DCAF10: variants seen among roughly 807,000 people sequenced by gnomAD.
DCAF10 encodes DDB1- and CUL4-associated factor 10.
DCAF10 carries 19 observed loss-of-function variants against 51.9 expected under a neutral mutation model. The ratio of observed to expected loss-of-function variants is 0.37; its 90% CI spans 0.26 to 0.54. The LOEUF is 0.54. Ranked by LOEUF, DCAF10 falls within the 20% of genes least tolerant of loss-of-function variation. The pLI is 0.87. For synonymous variants in DCAF10, 291 were observed against 297.1 expected (o/e 0.98, Z 0.21); for missense variants, 510 against 730.6 (o/e 0.70, Z 3.48).
intron 1 of DCAF10, among the ~76,000 whole-genome samples, chr9:37,815,150 T>C (rs1264437081): frequency 6.6e-6 from 1 of 152,150 alleles, no homozygotes; most frequent in Non-Finnish European, 1.5e-5. Context: ...CTTAGCAAAA[T>C]TGAAACAGAA....
At chr9:37,853,912 A>G (rs1830768514) in intron 3 of DCAF10, among the ~76,000 whole-genome samples, 1 of 152,070 alleles carries the variant, frequency 6.6e-6, no homozygotes, top group African/African-American at 2.4e-5. Context: ...ACGTAAACTG[A>G]CATTAATTTT....
intron 3 of DCAF10, among the ~76,000 whole-genome samples, chr9:37,847,253 CAAAAAAAAAAAA>C (rs78089886): frequency 0.016 from 528 of 32,976 alleles, 21 homozygotes; most frequent in African/African-American, 0.046. Flanking sequence ...AACTCCATCT[CAAAAAAAAAAAA>C]AAAAAAAAAA....
chr9:37,844,659 A>C (rs1029859056), intron 3 of DCAF10, among the ~76,000 whole-genome samples: 1 of 151,946 alleles, frequency 6.6e-6, no homozygotes, highest in Non-Finnish European at 1.5e-5. Context: ...TCAAAACAAT[A>C]ACAACAGCAA....
intron 3 of DCAF10, among the ~76,000 whole-genome samples, chr9:37,843,383 A>G (rs897941261): frequency 6.6e-6 from 1 of 152,202 alleles, no homozygotes; most frequent in Non-Finnish European, 1.5e-5. Flanking sequence ...GGAGATTTCT[A>G]GCTACCCATA....
intron 1 of DCAF10, among the ~76,000 whole-genome samples, chr9:37,812,776 G>A (rs1188862673): frequency 6.6e-6 from 1 of 152,152 alleles, no homozygotes; most frequent in African/African-American, 2.4e-5. Flanking sequence ...TGGGACCACA[G>A]GCACACGCCA....
At chr9:37,810,890 G>C (rs184934481) in intron 1 of DCAF10, among the ~76,000 whole-genome samples, 15 of 152,222 alleles carry the variant, frequency 9.9e-5, no homozygotes, top group Admixed American at 9.2e-4. Context: ...TAGGACTAAA[G>C]GTGAATCCAG....
intron 2 of DCAF10, among the ~76,000 whole-genome samples, chr9:37,841,361 G>A (rs1260978600): frequency 6.6e-6 from 1 of 152,162 alleles, no homozygotes; most frequent in Non-Finnish European, 1.5e-5. Flanking sequence ...ATTACAGAAA[G>A]CATCCTAATG....
intron 3 of DCAF10, among the ~76,000 whole-genome samples, chr9:37,848,608 T>A (rs1830542046): frequency 6.6e-6 from 1 of 152,118 alleles, no homozygotes; most frequent in Non-Finnish European, 1.5e-5. Context: ...AGGAATCTCT[T>A]AAGGTGATGA....
intron 3 of DCAF10, among the ~76,000 whole-genome samples, chr9:37,843,168 C>T (rs1830382570): frequency 6.6e-6 from 1 of 152,138 alleles, no homozygotes; most frequent in Non-Finnish European, 1.5e-5. Context: ...TAGGCATGAG[C>T]CACCATGCCC....
At chr9:37,807,662 T>C (rs1441962250) in intron 1 of DCAF10, among the ~76,000 whole-genome samples, 2 of 140,934 alleles carry the variant, frequency 1.4e-5, no homozygotes, top group Non-Finnish European at 1.5e-5. Flanking sequence ...TCTTTTCTTT[T>C]TTTTTTTTTT....
chr9:37,853,736 A>C (rs1325789828), intron 3 of DCAF10, among the ~76,000 whole-genome samples: 1 of 151,974 alleles, frequency 6.6e-6, no homozygotes, highest in Non-Finnish European at 1.5e-5. Context: ...TCTCCAGCTA[A>C]CTTTTTATTT....
At chr9:37,834,651 A>G (rs1176973139) in intron 2 of DCAF10, among the ~76,000 whole-genome samples, 5 of 152,206 alleles carry the variant, frequency 3.3e-5, no homozygotes, top group Non-Finnish European at 1.5e-5. Context: ...TGCATTAAGT[A>G]TTTTCTGTAG....
At chr9:37,800,600 G>A (rs546144928), upstream of DCAF10, 1,052 of 1,536,064 alleles carry the variant, frequency 6.8e-4, 21 homozygotes, top group South Asian at 0.012. Flanking sequence ...ACTACAGACC[G>A]ACTCTGCCAC....
intron 4 of DCAF10, among the ~76,000 whole-genome samples, chr9:37,856,832 T>G (rs998157193): frequency 7.2e-5 from 11 of 152,088 alleles, no homozygotes; most frequent in African/African-American, 2.7e-4. Flanking sequence ...ATAATGGAAG[T>G]TTTTGGTATA....
intron 3 of DCAF10, among the ~76,000 whole-genome samples, chr9:37,848,834 G>A (rs961244222): frequency 1.2e-4 from 18 of 151,864 alleles, no homozygotes; most frequent in African/African-American, 3.1e-4. Flanking sequence ...TTAGCAGGGC[G>A]TGGTGGTGGG....
At chr9:37,851,105 G>A (rs1830638606) in intron 3 of DCAF10, among the ~76,000 whole-genome samples, 1 of 151,466 alleles carries the variant, frequency 6.6e-6, no homozygotes, top group Non-Finnish European at 1.5e-5. Context: ...GTAGCCGGGT[G>A]TGGTGCCACA....
chr9:37,849,443 C>T (rs1337061917), intron 3 of DCAF10, among the ~76,000 whole-genome samples: 1 of 152,094 alleles, frequency 6.6e-6, no homozygotes, highest in African/African-American at 2.4e-5. Context: ...TTTATACAAA[C>T]TTTCTTTATA....
In DCAF10 at chr9:37,865,113, G is replaced by GT. The variant is rs1229278333; in HGVS notation, c.*3606dup. 1 of 151,404 alleles carries GT rather than the reference G, an allele frequency of 6.6e-6. No homozygotes were observed. Among genetic ancestry groups the GT allele is most frequent in the Non-Finnish European group, 1.5e-5 (1 of 67,926 alleles). The allele number at this position is 151,404 out of a possible 1,614,324, so 9.4% of individuals were successfully genotyped here. On this transcript the variant is annotated 3_prime_UTR_variant, in exon 7 of 7. Transcript: ENST00000377724. ...TAATTATAGAGCTAGCTTACCGTGT[G>GT]TATCATGTAAAAAAAATTCATAAGA...
chr9:37,835,962 C>T, intron 2 of DCAF10: 1 of 983,280 alleles, frequency 1.0e-6, no homozygotes, highest in Non-Finnish European at 1.6e-6. Flanking sequence ...CTATATTGCC[C>T]TTAGAACTGT....
Sources: gnomAD v4.1 joint callset for allele counts (sites outside exome capture counted in the v4.1 genomes callset) on GRCh38, gnomAD v4.1.1 for gene constraint, MANE v1.5 for transcripts, NCBI Gene and HGNC (gene_info 2026-07-23, HGNC 2026-07-21) for gene names.